The following ELP4 variants were observed in gnomAD, a reference collection of about 807,000 sequenced individuals.
The protein encoded by ELP4 is elongator acetyltransferase complex subunit 4.
In ELP4, 51 loss-of-function variants were observed where a neutral mutation model predicts 48.9. The observed-to-expected ratio is 1.04, with a 90% CI of 0.83 to 1.32. The LOEUF is 1.32. ELP4 is among the 40% of genes most tolerant of loss of function. The probability of loss-of-function intolerance (pLI) is 0.00; values close to 1 mark genes in which losing one functional copy is unlikely to be tolerated. For missense variants in ELP4, 519 were observed against 514.6 expected (o/e 1.01, Z -0.08); for synonymous variants, 210 against 189.2 (o/e 1.11, Z -0.90).
At chr11:31,590,380 A>G (rs971032212) in intron 3 of ELP4, among the ~76,000 whole-genome samples, 14 of 152,200 alleles carry the variant, frequency 9.2e-5, no homozygotes, top group African/African-American at 3.4e-4. Context: ...TTATAAAAAT[A>G]TAAGAACCCC....
intron 9 of ELP4, among the ~76,000 whole-genome samples, chr11:31,719,078 T>G (rs1054580063): frequency 2.0e-5 from 3 of 151,836 alleles, no homozygotes; most frequent in African/African-American, 7.3e-5. Context: ...GGGCAACATA[T>G]TGGGACCTCG....
intron 3 of ELP4, among the ~76,000 whole-genome samples, chr11:31,585,599 G>A (rs529960922): frequency 2.0e-5 from 3 of 152,170 alleles, no homozygotes; most frequent in Non-Finnish European, 4.4e-5. Context: ...AAATTCCTCC[G>A]TAAGAGATTT....
intron 3 of ELP4, among the ~76,000 whole-genome samples, chr11:31,568,604 G>C (rs991288882): frequency 6.6e-6 from 1 of 152,076 alleles, no homozygotes; most frequent in Non-Finnish European, 1.5e-5. Flanking sequence ...GAACAGAAAA[G>C]AGAACCCAGA....
chr11:31,640,124 A>G (rs1439215839), intron 7 of ELP4, among the ~76,000 whole-genome samples: 1 of 151,924 alleles, frequency 6.6e-6, no homozygotes, highest in Non-Finnish European at 1.5e-5. Flanking sequence ...TGTGTGTTCA[A>G]GCTACATGAA....
In ELP4 at chr11:31,735,332, G is replaced by A. The variant is rs979462925; in HGVS notation, c.1144-48061G>A. 2.6e-5 allele frequency among the ~76,000 whole-genome samples: 4 copies of A among 152,068 alleles called. No homozygotes were observed. In the East Asian group the frequency reaches 5.8e-4, roughly 22 times the overall value. On this transcript the variant is annotated intron_variant, in intron 9 of 9. Coordinates refer to ENST00000640961, the MANE Select transcript of ELP4 (RefSeq NM_019040.5). ...ATGACATTGATCTTGGATATGACGT[G>A]AAAAGCACAGGTAACAAAAGCAAAA... is the stretch of plus-strand genomic sequence containing the variant.
At chr11:31,586,759 C>CA (rs1255320199) in intron 3 of ELP4, among the ~76,000 whole-genome samples, 1 of 151,972 alleles carries the variant, frequency 6.6e-6, no homozygotes, top group Non-Finnish European at 1.5e-5. Flanking sequence ...TCTCCTGCCT[C>CA]AGCCTCCCGA....
chr11:31,782,802 C>G (rs1948406778), intron 9 of ELP4, among the ~76,000 whole-genome samples: 1 of 152,160 alleles, frequency 6.6e-6, no homozygotes, highest in South Asian at 2.1e-4. Flanking sequence ...CTTACCTGAA[C>G]ATATGAAAAA....
chr11:31,781,108 G>A (rs1565151823), intron 9 of ELP4, among the ~76,000 whole-genome samples: 2 of 152,202 alleles, frequency 1.3e-5, no homozygotes, highest in Non-Finnish European at 2.9e-5. Context: ...GGAAATGAAT[G>A]TGGAAGGTAC....
intron 9 of ELP4, among the ~76,000 whole-genome samples, chr11:31,678,495 ATGTGTGTGTGTGTGTGTG>A (rs71060498): frequency 2.9e-5 from 4 of 137,416 alleles, no homozygotes; most frequent in Admixed American, 1.4e-4. Context: ...ACATATATGT[ATGTGTGTGTGTGTGTGTG>A]TGTGTGTGTG....
Position 31,783,767 on chromosome 11 carries a change from A to G in ELP4, c.*243A>G, listed in dbSNP as rs905309277. 3 of 356,288 alleles carry G rather than the reference A, an allele frequency of 8.4e-6. No homozygotes were observed. The highest frequency in any genetic ancestry group is 4.1e-5 in the African/African-American group (2 of 48,224). 22.1% of individuals were successfully genotyped at this position (356,288 alleles called of 1,614,324 possible). On this transcript the variant is annotated 3_prime_UTR_variant, in exon 10 of 10. Transcript: ENST00000640961. Reference sequence around the variant, plus strand: ...TTTATTTTTAAATAAACGCCAAAAAATGTCAAAATCTCAAGATTCCTGACA... The same window carrying G: ...TTTATTTTTAAATAAACGCCAAAAAGTGTCAAAATCTCAAGATTCCTGACA...
intron 9 of ELP4, among the ~76,000 whole-genome samples, chr11:31,778,015 C>G (rs370155258): frequency 1.3e-5 from 2 of 152,096 alleles, no homozygotes; most frequent in African/African-American, 4.8e-5. Context: ...AATAGGATGG[C>G]GTGCCTTTTG....
chr11:31,545,389 G>T (rs561299104), intron 3 of ELP4, among the ~76,000 whole-genome samples: 1 of 152,082 alleles, frequency 6.6e-6, no homozygotes, highest in African/African-American at 2.4e-5. Context: ...TATCAGCGAT[G>T]GAAGATGAAA....
At chr11:31,687,355 A>C (rs1362883006) in intron 9 of ELP4, among the ~76,000 whole-genome samples, 1 of 152,200 alleles carries the variant, frequency 6.6e-6, no homozygotes, top group Non-Finnish European at 1.5e-5. Context: ...AGGCAGAAGA[A>C]TCATGTGGAG....
rs560883343 is a variant in ELP4, at chr11:31,608,044, T to TA, written c.653+4137_653+4138insA. ...GGTGGGTAATAGAGTTTGCAATTTT[T>TA]TTTTTTTTTTAGGGAAGCCTACAAA... is the stretch of plus-strand genomic sequence containing the variant. On this transcript the variant is annotated intron_variant, in intron 5 of 9. Coordinates refer to ENST00000640961, the MANE Select transcript of ELP4 (RefSeq NM_019040.5). Among the ~76,000 whole-genome samples the TA allele has an allele frequency of 3.8e-3, 574 of 152,142 alleles. 2 individuals carry two copies. The highest frequency in any genetic ancestry group is 6.9e-3 in the Admixed American group (106 of 15,280).
At chr11:31,519,930 T>C (rs1300803555) in intron 1 of ELP4, 126 bp from the exon 2 acceptor site, 1 of 756,706 alleles carries the variant, frequency 1.3e-6, no homozygotes. Flanking sequence ...CAAAGGTAAT[T>C]AAAATGTTGT....
At chr11:31,595,707 A>G (rs1003984526) in intron 4 of ELP4, among the ~76,000 whole-genome samples, 1 of 152,134 alleles carries the variant, frequency 6.6e-6, no homozygotes, top group Non-Finnish European at 1.5e-5. Flanking sequence ...CTCTAATACT[A>G]TGCTGCCAAA....
At chr11:31,549,067 T>A (rs1956788700) in intron 3 of ELP4, among the ~76,000 whole-genome samples, 2 of 152,134 alleles carry the variant, frequency 1.3e-5, no homozygotes, top group Admixed American at 1.3e-4. Context: ...ATTCAGGACA[T>A]AGGCATGGGC....
chr11:31,629,231 TA>T (rs1295502643), intron 6 of ELP4, among the ~76,000 whole-genome samples: 2 of 152,042 alleles, frequency 1.3e-5, no homozygotes, highest in African/African-American at 4.8e-5. Flanking sequence ...TTACTTAGAA[TA>T]CCAGATTAAA....
intron 3 of ELP4, among the ~76,000 whole-genome samples, chr11:31,576,804 A>C (rs1211903095): frequency 6.6e-6 from 1 of 152,180 alleles, no homozygotes; most frequent in Non-Finnish European, 1.5e-5. Context: ...ATATAGAGGG[A>C]AATTTATAGC....
Sources: gnomAD v4.1 joint callset for allele counts (sites outside exome capture counted in the v4.1 genomes callset) on GRCh38, gnomAD v4.1.1 for gene constraint, MANE v1.5 for transcripts, NCBI Gene and HGNC (gene_info 2026-07-23, HGNC 2026-07-21) for gene names.